The following KCNQ3 variants were observed in gnomAD, a reference collection of about 807,000 sequenced individuals.
KCNQ3 encodes the protein potassium voltage-gated channel subfamily Q member 3.
KCNQ3 carries 30 observed loss-of-function variants against 92.5 expected under a neutral mutation model. That is an observed-to-expected ratio of 0.32 (90% CI 0.24 to 0.44). The LOEUF is 0.44. Among genes scored for constraint, KCNQ3 ranks in the 20% least tolerant of loss-of-function variants. The pLI is 1.00. For synonymous variants in KCNQ3, 450 were observed against 468.8 expected, an observed-to-expected ratio of 0.96 and a Z score of 0.52; for missense variants, 913 against 1,140.3, an observed-to-expected ratio of 0.80 and a Z score of 2.87.
chr8:132,463,910 T>C (rs1263360660), intron 1 of KCNQ3, among the ~76,000 whole-genome samples: 2 of 152,208 alleles, frequency 1.3e-5, no homozygotes, highest in Non-Finnish European at 2.9e-5. Context: ...CCTCCCGGGT[T>C]CAAGCGATTC....
At position 132,283,092 on chromosome 8, in the gene KCNQ3, C is replaced by CGTGTGTGTGTGT. The variant is rs1195934839; in HGVS notation, c.387-96923_387-96912dup. ...GATGAGGATCTCTCTCTCTCTCTCT[C>CGTGTGTGTGTGT]GTGTGTGTGTGTGTGTGTGTGTGTG... On this transcript the variant is annotated intron_variant, in intron 1 of 14. Coordinates refer to ENST00000388996, the MANE Select transcript of KCNQ3 (RefSeq NM_004519.4). 4.2e-3 allele frequency among the ~76,000 whole-genome samples: 550 copies of CGTGTGTGTGTGT among 130,666 alleles called. 1 individual carries two copies. Among genetic ancestry groups the CGTGTGTGTGTGT allele is most frequent in the East Asian group, 0.015 (68 of 4,468 alleles). The allele number at this position is 130,666 out of a possible 152,430, so 85.7% of individuals were successfully genotyped here.
At chr8:132,411,278 G>A (rs547840152) in intron 1 of KCNQ3, among the ~76,000 whole-genome samples, 5 of 152,312 alleles carry the variant, frequency 3.3e-5, no homozygotes, top group East Asian at 3.9e-4. Flanking sequence ...AGCAAGAAGA[G>A]CTCTAAGAGA....
chr8:132,274,082 A>G (rs1210069855), intron 1 of KCNQ3, among the ~76,000 whole-genome samples: 1 of 152,190 alleles, frequency 6.6e-6, no homozygotes, highest in Non-Finnish European at 1.5e-5. Flanking sequence ...TCTTTTCAGC[A>G]GCACCCCACT....
chr8:132,228,309 C>T (rs1814499032), intron 1 of KCNQ3, among the ~76,000 whole-genome samples: 1 of 152,038 alleles, frequency 6.6e-6, no homozygotes, highest in African/African-American at 2.4e-5. Flanking sequence ...GACAGAAAGG[C>T]ACTGTATTAC....
chr8:132,257,790 T>G (rs1295766254), intron 1 of KCNQ3, among the ~76,000 whole-genome samples: 1 of 146,164 alleles, frequency 6.8e-6, no homozygotes, highest in African/African-American at 2.5e-5. Context: ...AGTTTAGATT[T>G]AAAAACATAA....
intron 1 of KCNQ3, among the ~76,000 whole-genome samples, chr8:132,466,568 T>C (rs1822176754): frequency 6.6e-6 from 1 of 152,184 alleles, no homozygotes; most frequent in Admixed American, 6.5e-5. Context: ...TAAGCCTCAG[T>C]TGCCCTCATG....
chr8:132,234,734 T>C (rs1814756583), intron 1 of KCNQ3, among the ~76,000 whole-genome samples: 1 of 152,172 alleles, frequency 6.6e-6, no homozygotes, highest in Non-Finnish European at 1.5e-5. Flanking sequence ...AGCTAGTAAG[T>C]GGTAGACAGA....
At chr8:132,479,949 AACACACACACACACACACACAC>A (rs371967111) in intron 1 of KCNQ3, among the ~76,000 whole-genome samples, 176 bp downstream of exon 1, 7 of 137,180 alleles carry the variant, frequency 5.1e-5, no homozygotes, top group African/African-American at 1.4e-4. Flanking sequence ...GGAGAGCGGC[AACACACACACACACACACACAC>A]ACACACACAC....
rs549961596 is a variant in KCNQ3, at chr8:132,210,501, C to A, written c.387-24320G>T. Among the ~76,000 whole-genome samples the A allele has an allele frequency of 1.2e-4, 19 of 152,298 alleles. No individual in the cohort carries two copies. In the South Asian group the frequency reaches 3.7e-3, roughly 30 times the overall value. ...TTCTTGACATTTTTACACTGTGTAA[C>A]AAATTACCCCGAACATGGCAGTTAA... On this transcript the variant is annotated intron_variant, in intron 1 of 14. Transcript: ENST00000388996.
At chr8:132,145,731 A>T (rs1825430202) in intron 9 of KCNQ3, among the ~76,000 whole-genome samples, 1 of 152,260 alleles carries the variant, frequency 6.6e-6, no homozygotes, top group African/African-American at 2.4e-5. Flanking sequence ...GGAGACCAAG[A>T]GAATGCAGTA....
At chr8:132,382,543 T>A (rs1819781161) in intron 1 of KCNQ3, among the ~76,000 whole-genome samples, 1 of 152,130 alleles carries the variant, frequency 6.6e-6, no homozygotes, top group African/African-American at 2.4e-5. Flanking sequence ...AATTACCCAG[T>A]CTTAGGTATT....
intron 1 of KCNQ3, among the ~76,000 whole-genome samples, chr8:132,474,511 T>C (rs1357644565): frequency 3.9e-5 from 6 of 152,182 alleles, no homozygotes; most frequent in African/African-American, 1.4e-4. Context: ...TCTCCCATAG[T>C]CCATTTTTGG....
chr8:132,310,331 A>G (rs1286956600), intron 1 of KCNQ3, among the ~76,000 whole-genome samples: 3 of 152,180 alleles, frequency 2.0e-5, no homozygotes, highest in Non-Finnish European at 4.4e-5. Context: ...AAGATCCCCC[A>G]GCTCCCTTTT....
At chr8:132,418,521 C>T (rs920293374) in intron 1 of KCNQ3, among the ~76,000 whole-genome samples, 1 of 152,206 alleles carries the variant, frequency 6.6e-6, no homozygotes, top group Non-Finnish European at 1.5e-5. Flanking sequence ...CACAGTGGTT[C>T]ACACCTGTAA....
Position 132,290,931 on chromosome 8 carries a change from G to A in KCNQ3, c.387-104750C>T, listed in dbSNP as rs114418326. Reference sequence around the variant, plus strand: ...GGGACAGGCACCCTCAGATGATAAGGGACCAACAGTTAGAGAGGAAGAAAA... The same window carrying A: ...GGGACAGGCACCCTCAGATGATAAGAGACCAACAGTTAGAGAGGAAGAAAA... On this transcript the variant is annotated intron_variant, in intron 1 of 14. Coordinates refer to ENST00000388996, the MANE Select transcript of KCNQ3 (RefSeq NM_004519.4). 8.0e-3 allele frequency among the ~76,000 whole-genome samples: 1,214 copies of A among 152,200 alleles called. 15 individuals are homozygous for A. Among genetic ancestry groups the A allele is most frequent in the African/African-American group, 0.028 (1,165 of 41,508 alleles).
chr8:132,146,403 G>A (rs1191342166), intron 9 of KCNQ3, among the ~76,000 whole-genome samples: 4 of 152,202 alleles, frequency 2.6e-5, no homozygotes, highest in Non-Finnish European at 1.5e-5. Flanking sequence ...AATACTATAT[G>A]ATTCCACTTA....
chr8:132,381,151 T>G (rs999022171), intron 1 of KCNQ3, among the ~76,000 whole-genome samples: 36 of 152,324 alleles, frequency 2.4e-4, no homozygotes, highest in African/African-American at 8.2e-4. Flanking sequence ...CCGTTATCCA[T>G]AATTTTAGAC....
intron 1 of KCNQ3, among the ~76,000 whole-genome samples, chr8:132,235,717 G>A (rs114958288): frequency 7.9e-5 from 12 of 152,302 alleles, no homozygotes; most frequent in African/African-American, 2.6e-4. Flanking sequence ...AGGTCGGAAC[G>A]TCTGCCTTTA....
chr8:132,164,755 G>A (rs965721500), intron 8 of KCNQ3, among the ~76,000 whole-genome samples: 3 of 152,090 alleles, frequency 2.0e-5, no homozygotes, highest in Admixed American at 1.3e-4. Context: ...GGCATGGTAG[G>A]GAGAAAGTTT....
Sources: allele counts gnomAD v4.1 joint callset (sites outside exome capture counted in the v4.1 genomes callset), GRCh38; gene constraint gnomAD v4.1.1; transcripts MANE v1.5; gene names NCBI Gene and HGNC (gene_info 2026-07-23, HGNC 2026-07-21).